Variants in KCNH7 observed in about 807,000 individuals in gnomAD.
KCNH7 encodes the protein voltage-gated inwardly rectifying potassium channel KCNH7.
A neutral mutation model predicts 120.8 loss-of-function variants in KCNH7; 49 were observed. The ratio of observed to expected loss-of-function variants is 0.41; its 90% confidence interval spans 0.32 to 0.51. KCNH7 has a LOEUF of 0.51. Ranked by LOEUF, KCNH7 falls within the 20% of genes least tolerant of loss-of-function variation. The pLI is 0.38. For missense variants in KCNH7, 1,097 were observed against 1,446.6 expected, an observed-to-expected ratio of 0.76 and a Z score of 3.92; for synonymous variants, 547 against 516.1, an observed-to-expected ratio of 1.06 and a Z score of -0.81.
intron 2 of KCNH7, among the ~76,000 whole-genome samples, chr2:162,829,928 A>T (rs2105613957): frequency 6.6e-6 from 1 of 150,440 alleles, no homozygotes; most frequent in East Asian, 2.0e-4. Flanking sequence ...CAGTGCACTC[A>T]CTTCGTACTA....
At chr2:162,703,501 C>T (rs1686586748) in intron 2 of KCNH7, among the ~76,000 whole-genome samples, 1 of 151,996 alleles carries the variant, frequency 6.6e-6, no homozygotes, top group Admixed American at 6.6e-5. Context: ...AATGTTAGAA[C>T]AAGAAATGGT....
chr2:162,380,058 G>A, intron 13 of KCNH7, 37 bp from the exon 14 acceptor site: 1 of 1,607,466 alleles, frequency 6.2e-7, no homozygotes, highest in Middle Eastern at 1.7e-4. Flanking sequence ...AACACTCTTA[G>A]GTGCCCCTTT....
chr2:162,632,360 C>A (rs1683802730), intron 2 of KCNH7, among the ~76,000 whole-genome samples: 1 of 151,768 alleles, frequency 6.6e-6, no homozygotes, highest in South Asian at 2.1e-4. Flanking sequence ...TTGTGTGGTG[C>A]TGAAAATAAC....
chr2:162,743,127 C>T (rs1688196226), intron 2 of KCNH7, among the ~76,000 whole-genome samples: 1 of 152,094 alleles, frequency 6.6e-6, no homozygotes, highest in Non-Finnish European at 1.5e-5. Flanking sequence ...CTGTTAGTTG[C>T]TATATACCTC....
chr2:162,461,677 T>C (rs906810007), intron 6 of KCNH7, among the ~76,000 whole-genome samples: 3 of 152,196 alleles, frequency 2.0e-5, no homozygotes, highest in Non-Finnish European at 4.4e-5. Context: ...TTTGTGTACA[T>C]CTCAGTTATA....
intron 2 of KCNH7, among the ~76,000 whole-genome samples, chr2:162,708,698 T>C (rs190752146): frequency 5.9e-5 from 9 of 152,210 alleles, no homozygotes; most frequent in Admixed American, 5.2e-4. Flanking sequence ...AGTAGAATGG[T>C]TACAAGTAGT....
intron 5 of KCNH7, 45 bp downstream of exon 5, chr2:162,512,609 G>C: frequency 6.3e-7 from 1 of 1,577,818 alleles, no homozygotes. Context: ...CCGAGTAAAG[G>C]GGCAGGTTGA....
intron 2 of KCNH7, among the ~76,000 whole-genome samples, chr2:162,560,184 C>T (rs1436525667): frequency 2.0e-5 from 3 of 152,146 alleles, no homozygotes; most frequent in Non-Finnish European, 2.9e-5. Flanking sequence ...ATTGCATTGC[C>T]ACAAAATTTA....
intron 6 of KCNH7, among the ~76,000 whole-genome samples, chr2:162,482,956 A>C (rs774485600): frequency 6.6e-6 from 1 of 152,200 alleles, no homozygotes; most frequent in Non-Finnish European, 1.5e-5. Flanking sequence ...GCTGTAACTG[A>C]AAATTCTTGG....
At chr2:162,604,392 G>A (rs1467020424) in intron 2 of KCNH7, among the ~76,000 whole-genome samples, 1 of 151,978 alleles carries the variant, frequency 6.6e-6, no homozygotes, top group Non-Finnish European at 1.5e-5. Context: ...TTGGAAAACT[G>A]GCATAGATTT....
chr2:162,419,687 A>G (rs1687643359), intron 9 of KCNH7, among the ~76,000 whole-genome samples: 1 of 152,146 alleles, frequency 6.6e-6, no homozygotes, highest in South Asian at 2.1e-4. Flanking sequence ...ATAATATGAA[A>G]TTTAGGAGTA....
At chr2:162,672,861 A>C (rs1470728294) in intron 2 of KCNH7, among the ~76,000 whole-genome samples, 1 of 152,038 alleles carries the variant, frequency 6.6e-6, no homozygotes, top group Non-Finnish European at 1.5e-5. Flanking sequence ...AATAAACAAA[A>C]TTAAGAAAGA....
chr2:162,726,489 G>A (rs1282381965), intron 2 of KCNH7, among the ~76,000 whole-genome samples: 1 of 151,964 alleles, frequency 6.6e-6, no homozygotes, highest in African/African-American at 2.4e-5. Flanking sequence ...GCGCCATCTC[G>A]GCTCACTGTA....
At chr2:162,428,331 G>T (rs1403297350) in intron 8 of KCNH7, among the ~76,000 whole-genome samples, 1 of 151,524 alleles carries the variant, frequency 6.6e-6, no homozygotes, top group Non-Finnish European at 1.5e-5. Context: ...CCTACTCCTT[G>T]CCCTCTTCCT....
intron 2 of KCNH7, among the ~76,000 whole-genome samples, chr2:162,576,575 C>T (rs1693677132): frequency 1.3e-5 from 2 of 152,142 alleles, no homozygotes; most frequent in Admixed American, 6.6e-5. Context: ...ATCTATTTTT[C>T]CTCTATGTTT....
At chr2:162,618,724 A>G (rs1269621157) in intron 2 of KCNH7, among the ~76,000 whole-genome samples, 2 of 152,184 alleles carry the variant, frequency 1.3e-5, no homozygotes, top group East Asian at 3.8e-4. Context: ...TCTTCCCTCA[A>G]AATAAATGAA....
At chr2:162,713,169 C>T (rs1200256296) in intron 2 of KCNH7, among the ~76,000 whole-genome samples, 5 of 152,066 alleles carry the variant, frequency 3.3e-5, no homozygotes, top group Non-Finnish European at 5.9e-5. Context: ...CTGACAATTT[C>T]TTATGATTGG....
intron 2 of KCNH7, among the ~76,000 whole-genome samples, chr2:162,785,448 T>A (rs974047946): frequency 1.3e-5 from 2 of 152,218 alleles, no homozygotes; most frequent in Non-Finnish European, 2.9e-5. Flanking sequence ...TGTTACTATA[T>A]CATGACCACT....
chr2:162,631,390 T>C (rs1683762630), intron 2 of KCNH7, among the ~76,000 whole-genome samples: 1 of 152,092 alleles, frequency 6.6e-6, no homozygotes, highest in Non-Finnish European at 1.5e-5. Context: ...TGATTGTGTG[T>C]AACAGGGGTG....
Sources: allele counts gnomAD v4.1 joint callset (sites outside exome capture counted in the v4.1 genomes callset), GRCh38; gene constraint gnomAD v4.1.1; transcripts MANE v1.5; gene names NCBI Gene and HGNC (gene_info 2026-07-23, HGNC 2026-07-21).